SLIT3: variants seen among roughly 807,000 people sequenced by gnomAD.
SLIT3 encodes the protein slit homolog 3 protein.
A neutral mutation model predicts 184.0 loss-of-function variants in SLIT3; 68 were observed. That is an observed-to-expected ratio of 0.37 (90% CI 0.30 to 0.45). SLIT3 has a LOEUF of 0.45. SLIT3 is among the 20% of genes least tolerant of loss of function. SLIT3 has a pLI of 1.00. For missense variants in SLIT3, 1,707 were observed against 2,026.0 expected, an observed-to-expected ratio of 0.84 and a Z score of 3.02; for synonymous variants, 831 against 828.6, an observed-to-expected ratio of 1.00 and a Z score of -0.05.
At chr5:168,814,924 G>A (rs908166222) in intron 8 of SLIT3, among the ~76,000 whole-genome samples, 4 of 152,124 alleles carry the variant, frequency 2.6e-5, no homozygotes, top group South Asian at 4.1e-4. Flanking sequence ...AGAGAGTAAC[G>A]GCTCACAGCA....
chr5:169,057,479 AAT>A (rs1420168987), intron 4 of SLIT3, among the ~76,000 whole-genome samples: 2 of 152,210 alleles, frequency 1.3e-5, no homozygotes, highest in African/African-American at 2.4e-5. Flanking sequence ...AGAATCCAGA[AAT>A]AGAGTGCAAA....
chr5:168,691,127 A>G (rs1195961758), intron 29 of SLIT3, among the ~76,000 whole-genome samples: 1 of 152,162 alleles, frequency 6.6e-6, no homozygotes, highest in Non-Finnish European at 1.5e-5. Context: ...TCAGTGTCAA[A>G]TCTTCTTCCC....
chr5:168,744,484 A>G (rs1763741968), intron 20 of SLIT3, among the ~76,000 whole-genome samples: 1 of 152,224 alleles, frequency 6.6e-6, no homozygotes, highest in African/African-American at 2.4e-5. Flanking sequence ...TAGCCATCTA[A>G]GACTTTCACA....
intron 26 of SLIT3, among the ~76,000 whole-genome samples, chr5:168,704,339 G>GATTCTTAT (rs1762314102): frequency 7.2e-6 from 1 of 138,700 alleles, no homozygotes; most frequent in African/African-American, 3.5e-5. Context: ...ACTGAATCCT[G>GATTCTTAT]GCACTGAGGT....
intron 5 of SLIT3, among the ~76,000 whole-genome samples, chr5:168,845,300 A>C (rs1263975608): frequency 6.6e-6 from 1 of 152,176 alleles, no homozygotes; most frequent in African/African-American, 2.4e-5. Flanking sequence ...CCCATCTGGT[A>C]GGTCATTCTA....
At chr5:168,777,270 G>A (rs554851246) in intron 12 of SLIT3, among the ~76,000 whole-genome samples, 1 of 152,200 alleles carries the variant, frequency 6.6e-6, no homozygotes, top group South Asian at 2.1e-4. Flanking sequence ...ATTCCCTATT[G>A]TGTCCCCTTC....
chr5:168,759,630 G>A lies in SLIT3; in HGVS notation c.1685+1232C>T, dbSNP rs141855528. Among the ~76,000 whole-genome samples, 303 of 152,318 alleles carry A rather than the reference G, an allele frequency of 2.0e-3. 1 individual carries two copies. Among genetic ancestry groups the A allele is most frequent in the African/African-American group, 6.9e-3 (288 of 41,570 alleles). On this transcript the variant is annotated intron_variant, in intron 16 of 35. Coordinates refer to ENST00000519560, the MANE Select transcript of SLIT3 (RefSeq NM_003062.4). The stretch of plus-strand genomic sequence containing the variant: ...GAGAGGTGACAGAAGAAGGCAGAGC[G>A]TGGCCTCGCTCGACCCCAGCTGAGA...
chr5:168,702,740 T>G (rs1936203422), intron 26 of SLIT3, among the ~76,000 whole-genome samples: 1 of 152,092 alleles, frequency 6.6e-6, no homozygotes, highest in South Asian at 2.1e-4. Context: ...CAGGGCTGAA[T>G]GTGAGTGACT....
At chr5:168,852,162 G>A (rs1285689236) in intron 5 of SLIT3, among the ~76,000 whole-genome samples, 6 of 152,200 alleles carry the variant, frequency 3.9e-5, no homozygotes, top group African/African-American at 7.2e-5. Context: ...ACTCTTGAGC[G>A]ATAACCATCT....
At chr5:169,171,776 C>G (rs1448912101) in intron 4 of SLIT3, among the ~76,000 whole-genome samples, 2 of 152,226 alleles carry the variant, frequency 1.3e-5, no homozygotes, top group East Asian at 1.9e-4. Context: ...AAAATTCACT[C>G]TATCCCTAGA....
At chr5:168,827,651 A>T (rs1267688333) in intron 6 of SLIT3, among the ~76,000 whole-genome samples, 1 of 152,148 alleles carries the variant, frequency 6.6e-6, no homozygotes, top group African/African-American at 2.4e-5. Context: ...CCCTTTTGCC[A>T]TGTAAGACAA....
chr5:169,069,835 G>A (rs1300117362), intron 4 of SLIT3, among the ~76,000 whole-genome samples: 1 of 152,118 alleles, frequency 6.6e-6, no homozygotes, highest in South Asian at 2.1e-4. Flanking sequence ...GAAGCAGGCA[G>A]GCACCAGACC....
At chr5:169,037,108 G>A (rs1222562199) in intron 4 of SLIT3, among the ~76,000 whole-genome samples, 1 of 145,816 alleles carries the variant, frequency 6.9e-6, no homozygotes, top group African/African-American at 2.7e-5. Context: ...CACCTCCATC[G>A]TGCCTATTCA....
intron 9 of SLIT3, among the ~76,000 whole-genome samples, chr5:168,802,106 T>C (rs1007168439): frequency 1.3e-5 from 2 of 150,284 alleles, no homozygotes; most frequent in Non-Finnish European, 2.9e-5. Context: ...AAATCTGGAT[T>C]ATATGGGTGG....
chr5:168,708,302 A>G (rs1395698998), intron 25 of SLIT3: 1 of 628,866 alleles, frequency 1.6e-6, no homozygotes, highest in Non-Finnish European at 2.8e-6. Context: ...GTGAGGAAAA[A>G]TCACAGTGGG....
intron 32 of SLIT3, among the ~76,000 whole-genome samples, chr5:168,674,545 G>A (rs1423332032): frequency 1.4e-5 from 2 of 145,008 alleles, no homozygotes; most frequent in Non-Finnish European, 3.0e-5. Context: ...AGGCTGGAGT[G>A]CAGTAGCATG....
At chr5:168,755,414 T>TTTCTTTCTTTCTTTCTTTC (rs1754885019) in intron 16 of SLIT3, among the ~76,000 whole-genome samples, 2 of 27,956 alleles carry the variant, frequency 7.2e-5, no homozygotes, top group Non-Finnish European at 1.2e-4. Flanking sequence ...TCTTTCTTTC[T>TTTCTTTCTTTCTTTCTTTC]TTCTTTCTTT....
chr5:168,802,361 T>G (rs922519961), intron 9 of SLIT3, among the ~76,000 whole-genome samples: 6 of 152,056 alleles, frequency 3.9e-5, no homozygotes, highest in Admixed American at 3.3e-4. Flanking sequence ...CAACCTGCTC[T>G]CAAGTTCTCT....
intron 3 of SLIT3, among the ~76,000 whole-genome samples, chr5:169,240,560 G>A (rs1309356703): frequency 8.3e-6 from 1 of 120,386 alleles, no homozygotes; most frequent in South Asian, 2.8e-4. Flanking sequence ...TTCGGTTAGT[G>A]TTTTCATGCT....
Sources: gnomAD v4.1 joint callset for allele counts (sites outside exome capture counted in the v4.1 genomes callset) on GRCh38, gnomAD v4.1.1 for gene constraint, MANE v1.5 for transcripts, NCBI Gene and HGNC (gene_info 2026-07-23, HGNC 2026-07-21) for gene names.